The following CACNA2D3 variants were observed in gnomAD, a reference collection of about 807,000 sequenced individuals.
CACNA2D3 encodes the protein calcium voltage-gated channel auxiliary subunit alpha2delta 3.
In CACNA2D3, 60 loss-of-function variants were observed where a neutral mutation model predicts 160.6. The observed-to-expected ratio is 0.37, with a 90% CI of 0.30 to 0.46. The LOEUF (loss-of-function observed/expected upper bound fraction) is 0.46, where lower values mean the gene tolerates loss of function less well. Among genes scored for constraint, CACNA2D3 ranks in the 20% least tolerant of loss-of-function variants. CACNA2D3 has a pLI of 1.00. For missense variants in CACNA2D3, 1,205 were observed against 1,365.0 expected, an observed-to-expected ratio of 0.88 and a Z score of 1.85; for synonymous variants, 558 against 492.9, an observed-to-expected ratio of 1.13 and a Z score of -1.75.
intron 2 of CACNA2D3, among the ~76,000 whole-genome samples, chr3:54,132,903 G>A (rs1291604801): frequency 6.6e-6 from 1 of 152,140 alleles, no homozygotes; most frequent in African/African-American, 2.4e-5. Context: ...AACTTCTAGG[G>A]TGAGTTGAGA....
chr3:54,293,517 G>T (rs184404504), intron 2 of CACNA2D3, among the ~76,000 whole-genome samples: 1 of 151,912 alleles, frequency 6.6e-6, no homozygotes, highest in Admixed American at 6.6e-5. Flanking sequence ...CCAGGTTACT[G>T]TGAATGCCAT....
chr3:54,230,518 G>T (rs373793607), intron 2 of CACNA2D3, among the ~76,000 whole-genome samples: 5 of 152,156 alleles, frequency 3.3e-5, no homozygotes, highest in East Asian at 3.9e-4. Context: ...TGAATAAAAG[G>T]CTCATCTCAG....
At position 54,830,449 on chromosome 3, in the gene CACNA2D3, A is replaced by G. The variant is rs535955842; in HGVS notation, c.1399-6710A>G. Among the ~76,000 whole-genome samples, 5 of 112,562 alleles carry G rather than the reference A, an allele frequency of 4.4e-5. No homozygotes were observed. The East Asian group carries it at 1.2e-3, about 27-fold the overall frequency. The allele number at this position is 112,562 out of a possible 152,430, so 73.8% of individuals were successfully genotyped here. A position where few individuals can be genotyped will look rare whatever the true frequency, so the allele number is the denominator to read the frequency against. ...AAACGACATCAGCTGGCATTTAAAT[A>G]CTTTTTTTTTTTTTTTTGAGATGGA... On this transcript the variant is annotated intron_variant, in intron 14 of 37. Coordinates refer to ENST00000474759, the MANE Select transcript of CACNA2D3 (RefSeq NM_018398.3).
At chr3:54,431,957 A>C (rs747105126) in intron 4 of CACNA2D3, among the ~76,000 whole-genome samples, 8 of 152,188 alleles carry the variant, frequency 5.3e-5, no homozygotes, top group Non-Finnish European at 7.3e-5. Flanking sequence ...TCAAAATATG[A>C]ACTTATAAAA....
intron 2 of CACNA2D3, among the ~76,000 whole-genome samples, chr3:54,137,875 G>A (rs1187741495): frequency 6.6e-6 from 1 of 152,158 alleles, no homozygotes; most frequent in South Asian, 2.1e-4. Context: ...AAAAACCCGT[G>A]CTCTAAATGT....
At chr3:54,476,964 A>G (rs1169705196) in intron 4 of CACNA2D3, among the ~76,000 whole-genome samples, 2 of 152,334 alleles carry the variant, frequency 1.3e-5, no homozygotes, top group East Asian at 3.9e-4. Flanking sequence ...TTGTAAAGAA[A>G]CAGTAGATAC....
At chr3:54,753,824 T>A (rs549715034) in intron 12 of CACNA2D3, among the ~76,000 whole-genome samples, 1 of 152,348 alleles carries the variant, frequency 6.6e-6, no homozygotes, top group African/African-American at 2.4e-5. Flanking sequence ...AATGACTACA[T>A]CAAGGTAATT....
At chr3:54,384,672 A>C (rs571734471) in intron 3 of CACNA2D3, among the ~76,000 whole-genome samples, 2 of 152,156 alleles carry the variant, frequency 1.3e-5, no homozygotes, top group Non-Finnish European at 2.9e-5. Flanking sequence ...TTTTTCTGTA[A>C]AGAATTTTAT....
chr3:54,125,242 T>TGCACAC (rs150112508), intron 2 of CACNA2D3, among the ~76,000 whole-genome samples: 1 of 147,944 alleles, frequency 6.8e-6, no homozygotes, highest in Non-Finnish European at 1.5e-5. Flanking sequence ...TCTTTGAAGT[T>TGCACAC]ACACACACAC....
intron 2 of CACNA2D3, among the ~76,000 whole-genome samples, chr3:54,233,798 A>G (rs1041698995): frequency 6.6e-6 from 1 of 152,230 alleles, no homozygotes; most frequent in Non-Finnish European, 1.5e-5. Flanking sequence ...TTTGGTCATC[A>G]TACAGTTTAT....
rs188803701 is a variant in CACNA2D3 at position 55,031,190 on chromosome 3, C to T, written c.2987+12873C>T. Among the ~76,000 whole-genome samples, 49 of 152,288 alleles carry T rather than the reference C, an allele frequency of 3.2e-4. No homozygotes were observed. The East Asian group carries it at 7.4e-3, about 23-fold the overall frequency. On this transcript the variant is annotated intron_variant, in intron 35 of 37. Coordinates refer to ENST00000474759, the MANE Select transcript of CACNA2D3 (RefSeq NM_018398.3). ...TTGACGTCTGCAAGTTGCATTTCTG[C>T]GGTGCATTGTCTCCATCCTGGTGGT...
At chr3:54,916,525 C>T (rs968933877) in intron 27 of CACNA2D3, among the ~76,000 whole-genome samples, 70 of 152,228 alleles carry the variant, frequency 4.6e-4, no homozygotes, top group African/African-American at 1.5e-3. Context: ...AAATTACCAT[C>T]GAAATTTAAA....
At chr3:54,851,107 G>T (rs1057318869) in intron 17 of CACNA2D3, among the ~76,000 whole-genome samples, 1 of 152,198 alleles carries the variant, frequency 6.6e-6, no homozygotes, top group Non-Finnish European at 1.5e-5. Flanking sequence ...GTTTGTTGTT[G>T]TTGGTATTAG....
Position 54,762,512 on chromosome 3 carries a change from CA to C in CACNA2D3, c.1247-1705del, listed in dbSNP as rs559989177. Among the ~76,000 whole-genome samples, 294 of 152,322 alleles carry C rather than the reference CA, an allele frequency of 1.9e-3. 1 individual carries two copies. Among genetic ancestry groups the C allele is most frequent in the African/African-American group, 5.0e-3 (209 of 41,574 alleles). On this transcript the variant is annotated intron_variant, in intron 12 of 37. Transcript: ENST00000474759. ...CTGTTTACTCAGAACTGCCAGGCCC[CA>C]GGGGGGGCAGGGGTCTTGCTCACCT...
intron 2 of CACNA2D3, among the ~76,000 whole-genome samples, chr3:54,147,264 G>T (rs1476897545): frequency 6.6e-6 from 1 of 152,194 alleles, no homozygotes; most frequent in Non-Finnish European, 1.5e-5. Flanking sequence ...TGAGTAGTGA[G>T]GCTGACGTGT....
At chr3:54,353,791 A>C (rs1256181785) in intron 3 of CACNA2D3, among the ~76,000 whole-genome samples, 1 of 152,142 alleles carries the variant, frequency 6.6e-6, no homozygotes, top group Non-Finnish European at 1.5e-5. Flanking sequence ...GCTTCTTGCC[A>C]CCTGGTCCTG....
Position 54,879,050 on chromosome 3 carries a change from G to A in CACNA2D3, c.1743G>A (p.Gly581=), listed in dbSNP as rs565054876. 136 of 1,606,336 alleles carry A rather than the reference G, an allele frequency of 8.5e-5. No individual in the cohort carries two copies. Among genetic ancestry groups the A allele is most frequent in the Admixed American group, 1.6e-4 (9 of 58,040 alleles). The change falls in exon 19 of 38, where the codon GGG becomes GGA. Residue 581 remains glycine, a synonymous_variant. Coordinates refer to ENST00000474759, the MANE Select transcript of CACNA2D3 (RefSeq NM_018398.3). The part of the protein sequence containing the change: ...LRNAMVNRKT[G]KFSMEVKKTV... ...ATGCTATGGTGAATCGAAAGACGGG[G>A]AAGTTTTCCATGGAGGTGAAGAAGA... is the stretch of plus-strand genomic sequence containing the variant.
At chr3:54,358,264 CCTGTT>C (rs1698683125) in intron 3 of CACNA2D3, among the ~76,000 whole-genome samples, 1 of 152,062 alleles carries the variant, frequency 6.6e-6, no homozygotes, top group Non-Finnish European at 1.5e-5. Flanking sequence ...TTAGAAACAG[CCTGTT>C]TTGTTTTAAC....
chr3:54,467,563 A>G (rs765605196), intron 4 of CACNA2D3, among the ~76,000 whole-genome samples: 2 of 152,210 alleles, frequency 1.3e-5, no homozygotes, highest in Non-Finnish European at 2.9e-5. Context: ...TGGAGATAAT[A>G]TCTGTCATTT....
Sources: gnomAD v4.1 joint callset for allele counts (sites outside exome capture counted in the v4.1 genomes callset) on GRCh38, gnomAD v4.1.1 for gene constraint, MANE v1.5 for transcripts, NCBI Gene and HGNC (gene_info 2026-07-23, HGNC 2026-07-21) for gene names.